DMXL1: variants seen among roughly 807,000 people sequenced by gnomAD.
DMXL1 encodes the protein dmX-like protein 1.
Under a neutral mutation model 319.2 loss-of-function variants are expected in DMXL1, and 99 were observed. That is an observed-to-expected ratio of 0.31 (90% confidence interval 0.26 to 0.37). The LOEUF (loss-of-function observed/expected upper bound fraction) is 0.37. Among genes scored for constraint, DMXL1 ranks in the 10% least tolerant of loss-of-function variants. DMXL1 has a pLI of 1.00. For synonymous variants in DMXL1, 1,385 were observed against 1,235.2 expected (o/e 1.12, Z -2.54); for missense variants, 3,745 against 3,595.6 (o/e 1.04, Z -1.06).
At chr5:119,182,056 A>G (rs1310640373) in intron 28 of DMXL1, among the ~76,000 whole-genome samples, 2 of 152,202 alleles carry the variant, frequency 1.3e-5, no homozygotes, top group African/African-American at 4.8e-5. Flanking sequence ...GAGGCAGGAC[A>G]GCAACCTGAT....
chr5:119,143,352 T>A (rs141140356), intron 13 of DMXL1, among the ~76,000 whole-genome samples: 1 of 152,070 alleles, frequency 6.6e-6, no homozygotes, highest in African/African-American at 2.4e-5. Context: ...ATTACCAAGA[T>A]CAGATACTGC....
At chr5:119,238,739 C>G (rs1788213153) in intron 40 of DMXL1, 1 of 213,974 alleles carries the variant, frequency 4.7e-6, no homozygotes, top group South Asian at 1.7e-4. Context: ...GCGTGGGTGT[C>G]TACAAATATG....
Position 119,244,396 on chromosome 5 carries a change from A to G in DMXL1, c.8742A>G (p.Ala2914=). The part of the protein sequence containing the change: ...TCHDSGATVL[A]YAPKHQLLIS... Reference sequence around the variant, plus strand: ...ATGACAGTGGAGCCACAGTTTTAGCATATGCTCCAAAACATCAGCTACTAA... The same window carrying G: ...ATGACAGTGGAGCCACAGTTTTAGCGTATGCTCCAAAACATCAGCTACTAA... The change falls in exon 43 of 44, where the codon GCA becomes GCG. Residue 2914 remains alanine, a synonymous_variant. Coordinates refer to ENST00000539542, the MANE Select transcript of DMXL1 (RefSeq NM_001290321.3). The G allele has an allele frequency of 1.2e-6, 2 of 1,614,004 alleles. No homozygotes were observed. Among genetic ancestry groups the G allele is most frequent in the Non-Finnish European group, 1.7e-6 (2 of 1,179,950 alleles).
At chr5:119,153,641 C>T (rs1003780980) in intron 19 of DMXL1, among the ~76,000 whole-genome samples, 2 of 152,148 alleles carry the variant, frequency 1.3e-5, no homozygotes, top group Admixed American at 6.5e-5. Context: ...CAATTGTATT[C>T]GATTCCACAG....
At chr5:119,229,569 CA>C (rs1299701050) in intron 38 of DMXL1, among the ~76,000 whole-genome samples, 1 of 152,126 alleles carries the variant, frequency 6.6e-6, no homozygotes, top group Non-Finnish European at 1.5e-5. Context: ...TCCTCTTTCC[CA>C]ATATGGAACA....
intron 34 of DMXL1, among the ~76,000 whole-genome samples, chr5:119,216,454 A>G (rs1395579933): frequency 6.6e-6 from 1 of 152,206 alleles, no homozygotes; most frequent in African/African-American, 2.4e-5. Context: ...TGAGCTGAGA[A>G]TTTTTAAAGG....
intron 35 of DMXL1, among the ~76,000 whole-genome samples, chr5:119,219,782 A>G (rs1229611815): frequency 6.6e-6 from 1 of 151,976 alleles, no homozygotes; most frequent in Admixed American, 6.6e-5. Flanking sequence ...TGCCCAGGCT[A>G]CTATCGAACT....
At chr5:119,121,488 C>T (rs1176669998) in intron 9 of DMXL1, among the ~76,000 whole-genome samples, 2 of 151,862 alleles carry the variant, frequency 1.3e-5, no homozygotes, top group Non-Finnish European at 2.9e-5. Context: ...TGACTCTTAA[C>T]GAGCATGCTG....
rs1774308530 is a variant in DMXL1 at position 119,170,382 on chromosome 5, C to T, written c.5591C>T (p.Ala1864Val). Residue 1864 changes from alanine (A) to valine (V), a missense_variant, in exon 24 of 44, where the codon GCT (alanine) becomes GTT (valine). Physicochemically the swap from Ala to Val is moderately conservative, Grantham distance 64 (BLOSUM62 0). Around this residue, in one of 4 missense-constraint regions of DMXL1, gnomAD observed 1,382 missense variants for 1,269.5 expected, o/e 1.09. Coordinates refer to ENST00000539542, the MANE Select transcript of DMXL1 (RefSeq NM_001290321.3). ...CGTTTATTTTTTACCACTGCCAGTG[C>T]TCATTTAAAAGCTGGCTGCCCAATG... ...ERRLFFTTAS[A>V]HLKAGCPMLA... is the part of the protein sequence containing the mutation. 2 of 1,613,756 alleles carry T rather than the reference C, an allele frequency of 1.2e-6. No individual in the cohort carries two copies. The highest frequency in any genetic ancestry group is 1.7e-6 in the Non-Finnish European group (2 of 1,179,922).
At chr5:119,129,621 G>A (rs1037492507) in intron 10 of DMXL1, among the ~76,000 whole-genome samples, 198 bp downstream of exon 10, 3 of 152,116 alleles carry the variant, frequency 2.0e-5, no homozygotes, top group Non-Finnish European at 4.4e-5. Context: ...TTAAGGACTG[G>A]GGGTTCTCAT....
intron 7 of DMXL1, among the ~76,000 whole-genome samples, chr5:119,118,099 T>C (rs2149919566): frequency 6.6e-6 from 1 of 152,350 alleles, no homozygotes; most frequent in East Asian, 1.9e-4. Context: ...ATATATGTAA[T>C]TGATTTTTGC....
Position 119,149,442 on chromosome 5 carries a change from A to C in DMXL1, c.3615A>C (p.Leu1205=), listed in dbSNP as rs1350149270. 4 of 1,613,794 alleles carry C rather than the reference A, an allele frequency of 2.5e-6. No individual in the cohort carries two copies. In the African/African-American group the frequency reaches 5.3e-5, roughly 22 times the overall value. Residue 1205 remains leucine (L), a synonymous_variant, in exon 18 of 44, where the codon CTA becomes CTC. Coordinates refer to ENST00000539542, the MANE Select transcript of DMXL1 (RefSeq NM_001290321.3). Reference sequence around the variant, plus strand: ...TTGTACTATTACGAAGTGTGGACCTAGTTTCTTCTGTAGATGGCTCCCCAC... The same window carrying C: ...TTGTACTATTACGAAGTGTGGACCTCGTTTCTTCTGTAGATGGCTCCCCAC... ...SKFVLLRSVD[L]VSSVDGSPPF... is the part of the protein sequence containing the mutation.
Position 119,171,033 on chromosome 5 carries a change from A to C in DMXL1, c.6242A>C (p.Glu2081Ala). The C allele has an allele frequency of 6.2e-7, 1 of 1,613,952 alleles. No homozygotes were observed. The highest frequency in any genetic ancestry group is 8.5e-7 in the Non-Finnish European group (1 of 1,179,888). ...QRTCDFCSDA[E>A]ELQSAFGRNE... ...ACTTGTGACTTTTGCTCAGATGCTG[A>C]AGAACTACAGTCTGCATTTGGCAGA... is the stretch of plus-strand genomic sequence containing the variant. Residue 2081 changes from glutamate to alanine, a missense_variant, in exon 24 of 44, where the codon GAA (glutamate) becomes GCA (alanine). By Grantham distance (107) the Glu-to-Ala change is moderately radical (BLOSUM62 -1). Coordinates refer to ENST00000539542, the MANE Select transcript of DMXL1 (RefSeq NM_001290321.3).
At chr5:119,228,746 T>C (rs1786083606) in intron 38 of DMXL1, among the ~76,000 whole-genome samples, 3 of 152,112 alleles carry the variant, frequency 2.0e-5, no homozygotes, top group African/African-American at 4.8e-5. Flanking sequence ...TTTGGGAAAT[T>C]TGTCAAAAAT....
intron 34 of DMXL1, among the ~76,000 whole-genome samples, chr5:119,213,713 C>T (rs1433440462): frequency 6.6e-6 from 1 of 152,132 alleles, no homozygotes; most frequent in Non-Finnish European, 1.5e-5. Flanking sequence ...TTCTTATTCA[C>T]CAGATATCAC....
intron 1 of DMXL1, among the ~76,000 whole-genome samples, chr5:119,096,502 C>T (rs1425361582): frequency 5.3e-5 from 8 of 152,028 alleles, no homozygotes; most frequent in East Asian, 1.9e-4. Flanking sequence ...AATATATGTG[C>T]GTGTGCAAAA....
intron 19 of DMXL1, among the ~76,000 whole-genome samples, chr5:119,160,559 T>G (rs576522988): frequency 6.6e-6 from 1 of 152,378 alleles, no homozygotes; most frequent in South Asian, 2.1e-4. Context: ...ACATTTGGTC[T>G]AAGAGACTAA....
At chr5:119,115,111 C>G (rs1267761450) in intron 6 of DMXL1, among the ~76,000 whole-genome samples, 2 of 152,154 alleles carry the variant, frequency 1.3e-5, no homozygotes, top group Non-Finnish European at 2.9e-5. Context: ...GCAAGTTAAT[C>G]TTATTGAGCC....
chr5:119,084,273 T>G (rs1251006975), intron 1 of DMXL1, among the ~76,000 whole-genome samples: 1 of 151,988 alleles, frequency 6.6e-6, no homozygotes, highest in Non-Finnish European at 1.5e-5. Flanking sequence ...GTGCACACCA[T>G]CATGCCCGGC....
Sources: gnomAD v4.1 joint callset for allele counts (sites outside exome capture counted in the v4.1 genomes callset) on GRCh38, gnomAD v4.1.1 for gene constraint, gnomAD v4.1.1 regional missense constraint, MANE v1.5 for transcripts, NCBI Gene and HGNC (gene_info 2026-07-23, HGNC 2026-07-21) for gene names.